Variants in AGGF1 observed in about 807,000 individuals in gnomAD.
AGGF1 encodes angiogenic factor with G-patch and FHA domains 1, also known as angiogenic factor with G patch and FHA domains 1.
Under a neutral mutation model 86.5 loss-of-function variants are expected in AGGF1, and 56 were observed. The observed-to-expected ratio is 0.65, with a 90% CI of 0.52 to 0.81. The LOEUF is 0.81. AGGF1 is among the 30% of genes least tolerant of loss of function. The pLI is 0.00. For missense variants in AGGF1, 816 were observed against 850.9 expected (o/e 0.96, Z 0.51); for synonymous variants, 313 against 297.1 (o/e 1.05, Z -0.55).
chr5:77,053,621 A>T (rs1470018223), intron 9 of AGGF1, among the ~76,000 whole-genome samples: 4 of 152,164 alleles, frequency 2.6e-5, no homozygotes, highest in Admixed American at 6.5e-5. Context: ...GGGAGATGTG[A>T]TGCATTTATC....
At chr5:77,060,660 CATATT>C (rs1747545967) in intron 12 of AGGF1, among the ~76,000 whole-genome samples, 1 of 152,004 alleles carries the variant, frequency 6.6e-6, no homozygotes, top group Non-Finnish European at 1.5e-5. Context: ...GATTCAATAT[CATATT>C]GCATTGACTC....
At chr5:77,059,814 C>G (rs1747522104) in intron 12 of AGGF1, 71 bp downstream of exon 12, 1 of 1,577,336 alleles carries the variant, frequency 6.3e-7, no homozygotes, top group East Asian at 2.3e-5. Context: ...GTCTGATGTT[C>G]AGGGCTATAT....
chr5:77,041,198 A>T (rs976633336), intron 5 of AGGF1, among the ~76,000 whole-genome samples: 1 of 152,186 alleles, frequency 6.6e-6, no homozygotes, highest in Non-Finnish European at 1.5e-5. Flanking sequence ...AATACTAAAA[A>T]TCAGTTTTCT....
chr5:77,061,881 T>A, intron 13 of AGGF1, 79 bp downstream of exon 13: 1 of 1,375,528 alleles, frequency 7.3e-7, no homozygotes, highest in Non-Finnish European at 1.0e-6. Flanking sequence ...AAACGTTGCC[T>A]TAAGTGCTAA....
At chr5:77,052,383 A>G (rs559670210) in intron 8 of AGGF1, among the ~76,000 whole-genome samples, 1 of 149,876 alleles carries the variant, frequency 6.7e-6, no homozygotes, top group East Asian at 1.9e-4. Flanking sequence ...ATATGGACCA[A>G]AAAAAAAAAG....
intron 6 of AGGF1, among the ~76,000 whole-genome samples, 160 bp from the exon 7 acceptor site, chr5:77,048,001 A>G (rs1269703261): frequency 6.6e-6 from 1 of 152,150 alleles, no homozygotes; most frequent in African/African-American, 2.4e-5. Flanking sequence ...AGCCTTACCC[A>G]TTGCTGCGTA....
intron 11 of AGGF1, among the ~76,000 whole-genome samples, chr5:77,058,174 T>C (rs1036056389): frequency 2.6e-5 from 4 of 152,212 alleles, no homozygotes; most frequent in Admixed American, 2.6e-4. Flanking sequence ...CATTGTACAC[T>C]AACTATGTAT....
intron 2 of AGGF1, 30 bp from the exon 3 acceptor site, chr5:77,035,511 A>G: frequency 6.5e-7 from 1 of 1,531,760 alleles, no homozygotes; most frequent in Non-Finnish European, 9.0e-7. Flanking sequence ...TTCTAATATG[A>G]TACGATTTCA....
At chr5:77,034,595 T>A in intron 2 of AGGF1, 75 bp downstream of exon 2, 2 of 1,030,822 alleles carry the variant, frequency 1.9e-6, no homozygotes, top group Non-Finnish European at 3.1e-6. Context: ...TCTTTTAATT[T>A]AAAATAAACA....
chr5:77,042,260 T>G (rs1747106010), intron 5 of AGGF1, among the ~76,000 whole-genome samples: 2 of 149,404 alleles, frequency 1.3e-5, no homozygotes, highest in South Asian at 4.2e-4. Flanking sequence ...TTTCCCCACC[T>G]TTCCCGCCTT....
At chr5:77,031,321 C>T (rs1251084035) in intron 1 of AGGF1, among the ~76,000 whole-genome samples, 1 of 152,184 alleles carries the variant, frequency 6.6e-6, no homozygotes, top group Non-Finnish European at 1.5e-5. Flanking sequence ...GTCAGAATCC[C>T]ATCTCTGCTA....
Position 77,064,938 on chromosome 5 carries a change from T to C in AGGF1, c.*1686T>C, listed in dbSNP as rs1742769278. On this transcript the variant is annotated 3_prime_UTR_variant, in exon 14 of 14. Coordinates refer to ENST00000312916, the MANE Select transcript of AGGF1 (RefSeq NM_018046.5). ...AAGAAAATGGAAAACTTAAATATGG[T>C]GTTAAAAATGGAAATATATGTGATA... is the stretch of plus-strand genomic sequence containing the variant. 6.6e-6 allele frequency: 1 copy of C among 152,180 alleles called. No individual in the cohort carries two copies. Among genetic ancestry groups the C allele is most frequent in the South Asian group, 2.1e-4 (1 of 4,832 alleles). The allele number at this position is 152,180 out of a possible 1,614,324, so 9.4% of individuals were successfully genotyped here.
intron 2 of AGGF1, 48 bp from the exon 3 acceptor site, chr5:77,035,493 A>G: frequency 1.4e-6 from 2 of 1,420,514 alleles, no homozygotes; most frequent in Non-Finnish European, 2.0e-6. Flanking sequence ...TCCTTTTTAT[A>G]TACATTATTC....
chr5:77,046,323 T>G lies in AGGF1; in HGVS notation c.871-24T>G, dbSNP rs1157204449. On this transcript the variant is annotated intron_variant, in intron 5 of 13. Transcript: ENST00000312916. ...TTTAAGAGTATTCTCCCCTGTTCCC[T>G]CGTATCTACCCACCCTTCTCCAGGA... is the stretch of plus-strand genomic sequence containing the variant. 3 of 1,584,930 alleles carry G rather than the reference T, an allele frequency of 1.9e-6. No homozygotes were observed. In the Admixed American group the frequency reaches 5.0e-5, roughly 26 times the overall value.
intron 6 of AGGF1, among the ~76,000 whole-genome samples, chr5:77,046,889 A>G (rs975883883): frequency 6.6e-6 from 1 of 152,228 alleles, no homozygotes; most frequent in Non-Finnish European, 1.5e-5. Context: ...AGAAGGTTTC[A>G]TTGTATTGAA....
At chr5:77,051,161 C>T (rs185027062) in intron 8 of AGGF1, among the ~76,000 whole-genome samples, 64 of 152,132 alleles carry the variant, frequency 4.2e-4, no homozygotes, top group African/African-American at 9.6e-4. Flanking sequence ...GGGTTGGGCG[C>T]GGTGGCTTAT....
chr5:77,059,531 CAT>C (rs1410087861), intron 11 of AGGF1, 83 bp from the exon 12 acceptor site: 21 of 1,220,510 alleles, frequency 1.7e-5, no homozygotes, highest in Non-Finnish European at 2.4e-5. Flanking sequence ...CACATTGAAT[CAT>C]ATTCGTTAAG....
intron 1 of AGGF1, among the ~76,000 whole-genome samples, chr5:77,032,252 TAAA>T (rs35068401): frequency 1.4e-4 from 15 of 107,880 alleles, no homozygotes; most frequent in African/African-American, 4.8e-4. Flanking sequence ...ACAAATATGG[TAAA>T]AAAAAAAAAA....
At chr5:77,053,476 G>T (rs745311356) in intron 9 of AGGF1, among the ~76,000 whole-genome samples, 1 of 152,166 alleles carries the variant, frequency 6.6e-6, no homozygotes, top group Non-Finnish European at 1.5e-5. Flanking sequence ...CCGAGATCAC[G>T]CCATTGCACT....
Sources: gnomAD v4.1 joint callset for allele counts (sites outside exome capture counted in the v4.1 genomes callset) on GRCh38, gnomAD v4.1.1 for gene constraint, MANE v1.5 for transcripts, NCBI Gene and HGNC (gene_info 2026-07-23, HGNC 2026-07-21) for gene names.